RCAN2: variants seen among roughly 807,000 people sequenced by gnomAD.
The protein encoded by RCAN2 is calcipressin-2.
Under a neutral mutation model 23.6 loss-of-function variants are expected in RCAN2, and 9 were observed. That is an observed-to-expected ratio of 0.38 (90% CI 0.23 to 0.67). The LOEUF (loss-of-function observed/expected upper bound fraction) is 0.67, where lower values mean the gene tolerates loss of function less well. RCAN2 is among the 30% of genes least tolerant of loss of function. The probability of loss-of-function intolerance (pLI) is 0.51; values close to 1 mark genes in which losing one functional copy is unlikely to be tolerated. For missense variants in RCAN2, 273 were observed against 302.3 expected, an observed-to-expected ratio of 0.90 and a Z score of 0.72; for synonymous variants, 109 against 115.7, an observed-to-expected ratio of 0.94 and a Z score of 0.37.
intron 2 of RCAN2, among the ~76,000 whole-genome samples, chr6:46,289,132 C>T (rs1460457799): frequency 1.3e-5 from 2 of 152,204 alleles, no homozygotes; most frequent in East Asian, 3.9e-4. Context: ...ACAGGGAGCA[C>T]AGGGCAACAC....
intron 2 of RCAN2, among the ~76,000 whole-genome samples, chr6:46,420,424 T>C (rs943416546): frequency 6.6e-6 from 1 of 152,130 alleles, no homozygotes; most frequent in South Asian, 2.1e-4. Flanking sequence ...GCAACAGCAG[T>C]AATCACAGCA....
intron 2 of RCAN2, among the ~76,000 whole-genome samples, chr6:46,380,674 G>A (rs1765596653): frequency 6.6e-6 from 1 of 152,146 alleles, no homozygotes; most frequent in Non-Finnish European, 1.5e-5. Flanking sequence ...ACTGGTCTAG[G>A]ACTAAAGAAA....
intron 2 of RCAN2, among the ~76,000 whole-genome samples, chr6:46,421,571 T>G (rs540939607): frequency 4.7e-4 from 71 of 152,312 alleles, no homozygotes; most frequent in Admixed American, 9.2e-4. Context: ...ACTCACAAAC[T>G]CCTACTCAAC....
chr6:46,276,623 T>C lies in RCAN2; in HGVS notation c.226-27727A>G, dbSNP rs115998002. Among the ~76,000 whole-genome samples the C allele has an allele frequency of 2.0e-3, 307 of 152,300 alleles. 3 individuals are homozygous for C. Among genetic ancestry groups the C allele is most frequent in the African/African-American group, 7.2e-3 (301 of 41,562 alleles). ...ACAGTCTTTCCCACAAAATGCTACT[T>C]TGGGGAATATTTTAAATACAAAAAC... On this transcript the variant is annotated intron_variant, in intron 2 of 4. Transcript: ENST00000371374.
rs879607574 is a variant in RCAN2 at position 46,440,596 on chromosome 6, AT to A, written c.225+16155del. Among the ~76,000 whole-genome samples the A allele has an allele frequency of 1.6e-3, 246 of 152,222 alleles. 3 individuals carry two copies. Among genetic ancestry groups the A allele is most frequent in the African/African-American group, 5.6e-3 (231 of 41,584 alleles). On this transcript the variant is annotated intron_variant, in intron 2 of 4. Transcript: ENST00000371374. ...GTTTGAAGAGCTAATTCAGAAAAAT[AT>A]CTTATATTACATATATACATAATTA...
At chr6:46,266,819 A>G (rs749733126) in intron 2 of RCAN2, among the ~76,000 whole-genome samples, 5 of 152,176 alleles carry the variant, frequency 3.3e-5, no homozygotes, top group Non-Finnish European at 7.3e-5. Flanking sequence ...TGAAAGTTGA[A>G]AGATGCAAAG....
intron 2 of RCAN2, among the ~76,000 whole-genome samples, chr6:46,341,797 C>CA (rs35714887): frequency 0.42 from 63,905 of 151,240 alleles, 14,935 homozygotes; most frequent in East Asian, 0.61. Context: ...GACTCTGTCC[C>CA]AAAAAAAGGT....
chr6:46,308,047 C>A (rs1417715035), intron 2 of RCAN2, among the ~76,000 whole-genome samples: 2 of 152,184 alleles, frequency 1.3e-5, no homozygotes, highest in Non-Finnish European at 2.9e-5. Flanking sequence ...GGCAAAGATG[C>A]TGTGAGAAGG....
In RCAN2 at chr6:46,248,901, T is replaced by C. The variant is rs967927340; in HGVS notation, c.226-5A>G. ...AAACAGTCCCTCAAATTTTTCCTGA[T>C]AAAAACAAACACAGAGGAAAATCCA... On this transcript the variant is annotated splice_polypyrimidine_tract_variant and splice_region_variant and intron_variant, in intron 2 of 4. Transcript: ENST00000371374. The C allele has an allele frequency of 8.1e-6, 13 of 1,599,502 alleles. No individual in the cohort carries two copies. Among genetic ancestry groups the C allele is most frequent in the Admixed American group, 3.4e-5 (2 of 58,004 alleles).
At chr6:46,428,543 C>A (rs185987300) in intron 2 of RCAN2, among the ~76,000 whole-genome samples, 3 of 152,184 alleles carry the variant, frequency 2.0e-5, no homozygotes, top group Non-Finnish European at 2.9e-5. Context: ...TTCTTTGGAG[C>A]AATGGCTTAG....
intron 2 of RCAN2, among the ~76,000 whole-genome samples, chr6:46,394,429 G>GGGCATGCTAGAGAAATAAAAGCAT (rs142142609): frequency 0.05 from 7,527 of 152,060 alleles, 362 homozygotes; most frequent in South Asian, 0.13. Flanking sequence ...AAATGTGGCT[G>GGGCATGCTAGAGAAATAAAAGCAT]GGCATGCTAG....
chr6:46,444,177 T>C (rs1490236385), intron 2 of RCAN2, among the ~76,000 whole-genome samples: 1 of 152,162 alleles, frequency 6.6e-6, no homozygotes, highest in Non-Finnish European at 1.5e-5. Flanking sequence ...CAAAATATTT[T>C]ACAATTTAAG....
intron 2 of RCAN2, among the ~76,000 whole-genome samples, chr6:46,399,486 C>T (rs1284302188): frequency 6.6e-6 from 1 of 150,814 alleles, no homozygotes; most frequent in Non-Finnish European, 1.5e-5. Flanking sequence ...CTCTGGACTG[C>T]CTAACCAATT....
intron 2 of RCAN2, among the ~76,000 whole-genome samples, chr6:46,348,635 TA>T (rs1764559703): frequency 6.6e-6 from 1 of 152,156 alleles, no homozygotes. Flanking sequence ...TGTGAGTTGG[TA>T]AAAGTCATTT....
At chr6:46,345,544 A>G (rs899514209) in intron 2 of RCAN2, among the ~76,000 whole-genome samples, 1 of 152,144 alleles carries the variant, frequency 6.6e-6, no homozygotes, top group Non-Finnish European at 1.5e-5. Flanking sequence ...ATCAAAAATA[A>G]TGTAAATAAG....
intron 1 of RCAN2, among the ~76,000 whole-genome samples, chr6:46,458,149 C>G (rs1371830881): frequency 6.6e-6 from 1 of 152,196 alleles, no homozygotes; most frequent in Non-Finnish European, 1.5e-5. Flanking sequence ...TCAGTCCCAT[C>G]ATCACAGATG....
chr6:46,362,749 T>A (rs969109469), intron 2 of RCAN2, among the ~76,000 whole-genome samples: 1 of 152,174 alleles, frequency 6.6e-6, no homozygotes, highest in Non-Finnish European at 1.5e-5. Context: ...GACAAGTTAC[T>A]TTGCAGCAAT....
intron 1 of RCAN2, among the ~76,000 whole-genome samples, chr6:46,477,415 T>A (rs1237188717): frequency 1.3e-5 from 2 of 152,110 alleles, no homozygotes; most frequent in African/African-American, 4.8e-5. Context: ...AAACCACAGA[T>A]GTTGTGTGCT....
At chr6:46,362,732 G>A (rs115314746) in intron 2 of RCAN2, among the ~76,000 whole-genome samples, 134 of 152,262 alleles carry the variant, frequency 8.8e-4, no homozygotes, top group African/African-American at 3.0e-3. Flanking sequence ...AATGATCACA[G>A]AGAGAAGACA....
Sources: gnomAD v4.1 joint callset for allele counts (sites outside exome capture counted in the v4.1 genomes callset) on GRCh38, gnomAD v4.1.1 for gene constraint, MANE v1.5 for transcripts, NCBI Gene and HGNC (gene_info 2026-07-23, HGNC 2026-07-21) for gene names.